Variants in WWC1 observed in about 807,000 individuals in gnomAD.
WWC1 encodes WW and C2 domain containing 1, also known as protein KIBRA.
Under a neutral mutation model 138.4 loss-of-function variants are expected in WWC1, and 55 were observed. The ratio of observed to expected loss-of-function variants is 0.40; its 90% confidence interval spans 0.32 to 0.50. The LOEUF (loss-of-function observed/expected upper bound fraction) is 0.50. Ranked by LOEUF, WWC1 falls within the 20% of genes least tolerant of loss-of-function variation. The probability of loss-of-function intolerance (pLI) is 0.72; values close to 1 mark genes in which losing one functional copy is unlikely to be tolerated. For missense variants in WWC1, 1,226 were observed against 1,420.4 expected (o/e 0.86, Z 2.20); for synonymous variants, 524 against 564.9 (o/e 0.93, Z 1.03).
Position 168,352,855 on chromosome 5 carries a change from A to T in WWC1, c.120-18569A>T, listed in dbSNP as rs544958435. ...CACCTCGGCCTCTCAAATTGCTGGG[A>T]TTACAGGCATGAGCCACTGCACCCG... On this transcript the variant is annotated intron_variant, in intron 1 of 22. Coordinates refer to ENST00000265293, the MANE Select transcript of WWC1 (RefSeq NM_015238.3). 5.9e-5 allele frequency among the ~76,000 whole-genome samples: 9 copies of T among 152,222 alleles called. No individual in the cohort carries two copies. The South Asian group carries it at 1.2e-3, about 21-fold the overall frequency.
Position 168,409,941 on chromosome 5 carries a change from A to G in WWC1, c.887A>G (p.Asn296Ser), listed in dbSNP as rs772117008. ...ISGSFGINSNNQLAEKVRLRL... is the reference protein window; with the variant it reads ...ISGSFGINSNSQLAEKVRLRL... ...CTCCAGTTCGGCATCAACAGCAACA[A>G]TCAGTTGGCAGAGAAGGTCAGATTG... is the stretch of plus-strand genomic sequence containing the variant. Residue 296 changes from asparagine (N) to serine (S), a missense_variant, in exon 8 of 23, where the codon AAT becomes AGT. Transcript: ENST00000265293. The G allele has an allele frequency of 3.1e-6, 5 of 1,613,994 alleles. No homozygotes were observed. The highest frequency in any genetic ancestry group is 3.4e-6 in the Non-Finnish European group (4 of 1,179,906).
intron 1 of WWC1, among the ~76,000 whole-genome samples, chr5:168,353,618 A>G (rs1450400263): frequency 3.3e-5 from 5 of 152,194 alleles, no homozygotes; most frequent in African/African-American, 9.6e-5. Flanking sequence ...TTGCACCTGG[A>G]CCATGATCTA....
chr5:168,354,895 C>A (rs964870609), intron 1 of WWC1, among the ~76,000 whole-genome samples: 18 of 152,158 alleles, frequency 1.2e-4, no homozygotes, highest in African/African-American at 4.1e-4. Context: ...GCTTTGTAAG[C>A]AATAGGCTCA....
rs1754787580 is a variant in WWC1 at position 168,441,742 on chromosome 5, T to C, written c.2341T>C (p.Tyr781His). ...GTCTGGGGAGAGGTCGACTCGCTGG[T>C]ACAACCTTCTCAGCTACAAATACTT... ...CRSGERSTRW[Y>H]NLLSYKYLKK... The change falls in exon 16 of 23, where the codon TAC becomes CAC. Residue 781 changes from tyrosine (Y) to histidine (H), a missense_variant. Tyr to His is a moderately conservative substitution (Grantham distance 83, BLOSUM62 2). Around this residue, in one of 3 missense-constraint regions of WWC1, gnomAD observed 1,016 missense variants for 1,153.9 expected, o/e 0.88. Transcript: ENST00000265293. 6.2e-7 allele frequency: 1 copy of C among 1,614,194 alleles called. No homozygotes were observed. The highest frequency in any genetic ancestry group is 2.2e-5 in the East Asian group (1 of 44,880).
intron 16 of WWC1, among the ~76,000 whole-genome samples, chr5:168,443,518 C>T (rs138622730): frequency 1.3e-5 from 2 of 152,166 alleles, no homozygotes; most frequent in Non-Finnish European, 2.9e-5. Flanking sequence ...ATAAAGGTCT[C>T]GAAAACAAAC....
chr5:168,338,099 T>C (rs2152773893), intron 1 of WWC1, among the ~76,000 whole-genome samples: 1 of 151,916 alleles, frequency 6.6e-6, no homozygotes, highest in East Asian at 2.0e-4. Flanking sequence ...TCACCTGAGG[T>C]CAGGAGTTCG....
chr5:168,327,570 G>A lies in WWC1; in HGVS notation c.119+35299G>A, dbSNP rs1038602402. On this transcript the variant is annotated intron_variant, in intron 1 of 22. Coordinates refer to ENST00000265293, the MANE Select transcript of WWC1 (RefSeq NM_015238.3). Reference sequence around the variant, plus strand: ...TTGGATCAAATTTAGAACCAGCACCGGGGTGTTCCTCTGAGTGAGATTGTG... The same window carrying A: ...TTGGATCAAATTTAGAACCAGCACCAGGGTGTTCCTCTGAGTGAGATTGTG... 3.9e-5 allele frequency among the ~76,000 whole-genome samples: 6 copies of A among 152,220 alleles called. No individual in the cohort carries two copies. In the East Asian group the frequency reaches 5.8e-4, roughly 15 times the overall value.
At chr5:168,431,148 C>T (rs1781904516) in intron 14 of WWC1, 104 bp from the exon 15 acceptor site, 1 of 1,014,864 alleles carries the variant, frequency 9.9e-7, no homozygotes, top group Non-Finnish European at 1.5e-6. Context: ...TACAAACTCT[C>T]ATCCACTGTT....
chr5:168,390,273 T>A (rs1157773885), intron 3 of WWC1, among the ~76,000 whole-genome samples: 1 of 152,222 alleles, frequency 6.6e-6, no homozygotes, highest in Non-Finnish European at 1.5e-5. Context: ...AGTAAATAAT[T>A]ATTATTATTA....
intron 9 of WWC1, 90 bp from the exon 10 acceptor site, chr5:168,421,918 C>T (rs1298265030): frequency 9.1e-7 from 1 of 1,099,126 alleles, no homozygotes; most frequent in Non-Finnish European, 1.4e-6. Flanking sequence ...ACGGAAAGTT[C>T]TTGTGCCTGT....
chr5:168,377,095 G>T (rs879515034), intron 2 of WWC1, among the ~76,000 whole-genome samples: 1 of 152,090 alleles, frequency 6.6e-6, no homozygotes, highest in Non-Finnish European at 1.5e-5. Context: ...GTAGATCAAT[G>T]GAACAGAATA....
intron 4 of WWC1, among the ~76,000 whole-genome samples, chr5:168,398,882 A>C (rs1779107118): frequency 6.6e-6 from 1 of 152,224 alleles, no homozygotes; most frequent in Admixed American, 6.5e-5. Context: ...AGATGTTTTC[A>C]TAAAGGAACT....
intron 9 of WWC1, among the ~76,000 whole-genome samples, chr5:168,420,436 A>G (rs1288994427): frequency 1.3e-5 from 2 of 152,122 alleles, no homozygotes; most frequent in Non-Finnish European, 2.9e-5. Flanking sequence ...TTACTTCTTA[A>G]AAGCCCTATC....
At chr5:168,318,721 G>A (rs1771815295) in intron 1 of WWC1, among the ~76,000 whole-genome samples, 1 of 151,944 alleles carries the variant, frequency 6.6e-6, no homozygotes, top group Non-Finnish European at 1.5e-5. Context: ...TACCACACCT[G>A]GCTAATTTTT....
chr5:168,411,222 C>G (rs1056563737), intron 8 of WWC1, among the ~76,000 whole-genome samples: 3 of 152,142 alleles, frequency 2.0e-5, no homozygotes, highest in Non-Finnish European at 4.4e-5. Flanking sequence ...CTACCGCACC[C>G]GGCCAAGTTC....
At chr5:168,397,177 C>G (rs1244066307) in intron 3 of WWC1, among the ~76,000 whole-genome samples, 1 of 149,834 alleles carries the variant, frequency 6.7e-6, no homozygotes, top group Non-Finnish European at 1.5e-5. Flanking sequence ...GAGTCTCGCT[C>G]TGTCACCCAG....
chr5:168,297,368 T>A (rs940738450), intron 1 of WWC1, among the ~76,000 whole-genome samples: 2 of 152,174 alleles, frequency 1.3e-5, no homozygotes, highest in African/African-American at 4.8e-5. Context: ...GGCTCATGCC[T>A]ATAATCCCAG....
rs111457550 is a variant in WWC1 at position 168,454,024 on chromosome 5, TGGA to T, written c.2594_2596del (p.Glu865del). 0.24 allele frequency: 385,886 copies of T among 1,598,676 alleles called. 53,047 individuals are homozygous for T. The highest frequency in any genetic ancestry group is 0.56 in the African/African-American group (40,359 of 72,644). ...GTAGCCGAGGAAGAGGAGGAGGAGG[TGGA>T]GGAGGAGGAGGGAGAAGAGGATGTT... On this transcript the variant is annotated inframe_deletion, in exon 18 of 23. Coordinates refer to ENST00000265293, the MANE Select transcript of WWC1 (RefSeq NM_015238.3).
chr5:168,411,420 A>G (rs1206264280), intron 8 of WWC1, among the ~76,000 whole-genome samples: 1 of 152,202 alleles, frequency 6.6e-6, no homozygotes, highest in Non-Finnish European at 1.5e-5. Flanking sequence ...CTCTGTGTGA[A>G]TAGTAGAACT....
Sources: allele counts gnomAD v4.1 joint callset (sites outside exome capture counted in the v4.1 genomes callset), GRCh38; gene constraint gnomAD v4.1.1; regional missense constraint gnomAD v4.1.1; transcripts MANE v1.5; gene names NCBI Gene and HGNC (gene_info 2026-07-23, HGNC 2026-07-21).